UCK2: variants seen among roughly 807,000 people sequenced by gnomAD.
UCK2 encodes cytidine monophosphokinase 2.
A neutral mutation model predicts 30.8 loss-of-function variants in UCK2; 6 were observed. The observed-to-expected ratio is 0.19, with a 90% CI of 0.11 to 0.38. The LOEUF is 0.38. UCK2 is among the 10% of genes least tolerant of loss of function. UCK2 has a pLI of 1.00. For synonymous variants in UCK2, 125 were observed against 133.6 expected, an observed-to-expected ratio of 0.94 and a Z score of 0.45; for missense variants, 210 against 339.8, an observed-to-expected ratio of 0.62 and a Z score of 3.00.
rs552546754 is a variant in UCK2 at position 165,898,263 on chromosome 1, T to C, written c.499+1931T>C. Among the ~76,000 whole-genome samples the C allele has an allele frequency of 6.2e-4, 78 of 126,654 alleles. No homozygotes were observed. In the East Asian group the frequency reaches 0.011, roughly 18 times the overall value. 83.1% of individuals were successfully genotyped at this position (126,654 alleles called of 152,430 possible). On this transcript the variant is annotated intron_variant, in intron 4 of 6. Transcript: ENST00000367879. ...CTAGATGTGTGGCAAATTGTGCAAA[T>C]TGGCAAATTGTGTTTTAACTTTTTT...
intron 4 of UCK2, chr1:165,902,594 T>TTTTTTTTTTTG (rs1647516100): frequency 1.2e-5 from 1 of 86,072 alleles, no homozygotes; most frequent in Non-Finnish European, 2.5e-5. Flanking sequence ...ACTGAGTGAT[T>TTTTTTTTTTTG]TTTTTTTTTT....
chr1:165,896,431 C>G (rs1557848429), intron 4 of UCK2, 99 bp downstream of exon 4: 1 of 1,392,704 alleles, frequency 7.2e-7, no homozygotes, highest in Non-Finnish European at 9.9e-7. Flanking sequence ...AGTCTGAAGC[C>G]CATGCCTTCC....
intron 1 of UCK2, among the ~76,000 whole-genome samples, chr1:165,887,395 G>A (rs1240584312): frequency 6.6e-6 from 1 of 152,144 alleles, no homozygotes; most frequent in Non-Finnish European, 1.5e-5. Context: ...TACAGGTTCT[G>A]TCCTAGATTG....
At chr1:165,888,642 C>CTTTTTTTTTTTTTTTTTTT (rs60874109) in intron 1 of UCK2, among the ~76,000 whole-genome samples, 1 of 71,018 alleles carries the variant, frequency 1.4e-5, no homozygotes, top group Admixed American at 2.0e-4. Context: ...CTTTCTTCTT[C>CTTTTTTTTTTTTTTTTTTT]TTTTTTTTTT....
chr1:165,872,026 T>C (rs75249521), intron 1 of UCK2, among the ~76,000 whole-genome samples: 2 of 55,272 alleles, frequency 3.6e-5, no homozygotes, highest in Admixed American at 1.7e-4. Context: ...ATACATAGTC[T>C]TTTTTTTTTT....
Position 165,827,879 on chromosome 1 carries a change from A to C in UCK2, c.46A>C (p.Asn16His). ...GACCCTGCAGAACCACCAGCAGCCC[A>C]ACGGCGGCGAGCCCTTCCTTATAGG... ...EQTLQNHQQP[N>H]GGEPFLIGVS... Residue 16 changes from asparagine to histidine, a missense_variant, in exon 1 of 7, where the codon AAC becomes CAC. By Grantham distance (68) the Asn-to-His change is moderately conservative. Coordinates refer to ENST00000367879, the MANE Select transcript of UCK2 (RefSeq NM_012474.5). The C allele has an allele frequency of 1.4e-6, 2 of 1,480,020 alleles. No individual in the cohort carries two copies. Among genetic ancestry groups the C allele is most frequent in the Non-Finnish European group, 1.8e-6 (2 of 1,108,476 alleles). The allele number at this position is 1,480,020 out of a possible 1,614,324, so 91.7% of individuals were successfully genotyped here. A position where few individuals can be genotyped will look rare whatever the true frequency, so the allele number is the denominator to read the frequency against.
chr1:165,895,994 G>C, intron 3 of UCK2, 196 bp from the exon 4 acceptor site: 1 of 643,698 alleles, frequency 1.6e-6, no homozygotes, highest in South Asian at 2.2e-5. Context: ...CTTTGTCCCG[G>C]CCGTGATCAC....
At chr1:165,893,241 G>A (rs1420231858) in intron 3 of UCK2, among the ~76,000 whole-genome samples, 1 of 152,206 alleles carries the variant, frequency 6.6e-6, no homozygotes, top group Non-Finnish European at 1.5e-5. Context: ...TGCATCATGA[G>A]TTCCATCAAG....
chr1:165,884,886 T>C (rs750952399), intron 1 of UCK2, among the ~76,000 whole-genome samples: 15 of 152,232 alleles, frequency 9.9e-5, no homozygotes, highest in Non-Finnish European at 2.1e-4. Flanking sequence ...AAGTCTCTGC[T>C]AAAGGAGTTC....
intron 1 of UCK2, among the ~76,000 whole-genome samples, chr1:165,871,620 G>A (rs895170996): frequency 6.6e-6 from 1 of 152,080 alleles, no homozygotes; most frequent in Non-Finnish European, 1.5e-5. Context: ...GCCCTCTTGT[G>A]GTCTGCCTTT....
intron 1 of UCK2, among the ~76,000 whole-genome samples, chr1:165,832,732 T>C (rs1654082806): frequency 6.6e-6 from 1 of 152,128 alleles, no homozygotes; most frequent in African/African-American, 2.4e-5. Flanking sequence ...TAGCTGGGAT[T>C]ACAGGTGCCC....
chr1:165,828,064 T>G, intron 1 of UCK2, 132 bp downstream of exon 1: 1 of 535,194 alleles, frequency 1.9e-6, no homozygotes, highest in Non-Finnish European at 2.5e-6. Flanking sequence ...CCGGCCGCGC[T>G]CCAGCGCCGA....
In UCK2 at chr1:165,827,845, C is replaced by G; in HGVS notation, c.12C>G (p.Asp4Glu). MAG[D>E]SEQTLQNHQQ... ...GGGCGGCGCGAACCATGGCCGGGGA[C>G]AGCGAGCAGACCCTGCAGAACCACC... The change falls in exon 1 of 7, where the codon GAC (aspartate) becomes GAG (glutamate). Residue 4 changes from aspartate to glutamate, a missense_variant. Asp to Glu is a conservative substitution (Grantham distance 45). Transcript: ENST00000367879. 6.8e-7 allele frequency: 1 copy of G among 1,462,334 alleles called. No individual in the cohort carries two copies. The highest frequency in any genetic ancestry group is 9.1e-7 in the Non-Finnish European group (1 of 1,099,600). The allele number at this position is 1,462,334 out of a possible 1,614,324, so 90.6% of individuals were successfully genotyped here.
intron 1 of UCK2, among the ~76,000 whole-genome samples, chr1:165,841,111 G>A (rs796944649): frequency 0.055 from 7,896 of 144,468 alleles, 261 homozygotes; most frequent in Middle Eastern, 0.07. Flanking sequence ...GTGTGTGTGT[G>A]TATATATATA....
At chr1:165,854,882 G>A (rs1435132364) in intron 1 of UCK2, among the ~76,000 whole-genome samples, 4 of 152,016 alleles carry the variant, frequency 2.6e-5, no homozygotes, top group Admixed American at 6.5e-5. Context: ...TCCCCAACTC[G>A]TACAGAACCC....
At chr1:165,843,601 A>AC (rs1239150058) in intron 1 of UCK2, among the ~76,000 whole-genome samples, 2 of 151,992 alleles carry the variant, frequency 1.3e-5, no homozygotes, top group African/African-American at 4.8e-5. Flanking sequence ...ACATAGTAGA[A>AC]CCCCCCATCT....
chr1:165,879,853 T>C (rs1041064614), intron 1 of UCK2, among the ~76,000 whole-genome samples: 2 of 152,136 alleles, frequency 1.3e-5, no homozygotes, highest in East Asian at 3.8e-4. Flanking sequence ...TTTTCAAAGA[T>C]GTGAAAGAGA....
At chr1:165,860,113 A>T (rs1654858376) in intron 1 of UCK2, among the ~76,000 whole-genome samples, 2 of 151,860 alleles carry the variant, frequency 1.3e-5, no homozygotes, top group South Asian at 4.2e-4. Flanking sequence ...CCCCACCTTA[A>T]CCCTGTGCAC....
At chr1:165,873,513 A>T (rs1295371606) in intron 1 of UCK2, among the ~76,000 whole-genome samples, 1 of 152,204 alleles carries the variant, frequency 6.6e-6, no homozygotes, top group African/African-American at 2.4e-5. Flanking sequence ...AATGAGAAAA[A>T]GTGAAGCTTC....
Sources: gnomAD v4.1 joint callset for allele counts (sites outside exome capture counted in the v4.1 genomes callset) on GRCh38, gnomAD v4.1.1 for gene constraint, MANE v1.5 for transcripts, NCBI Gene and HGNC (gene_info 2026-07-23, HGNC 2026-07-21) for gene names.